The following THEMIS variants were observed in gnomAD, a reference collection of about 807,000 sequenced individuals.
THEMIS encodes the protein thymocyte selection associated, also known as protein THEMIS.
THEMIS carries 37 observed loss-of-function variants against 52.6 expected under a neutral mutation model. The ratio of observed to expected loss-of-function variants is 0.70; its 90% CI spans 0.54 to 0.93. THEMIS has a LOEUF of 0.93. Ranked by LOEUF, THEMIS falls within the 40% of genes least tolerant of loss-of-function variation. THEMIS has a pLI of 0.00. For missense variants in THEMIS, 808 were observed against 763.1 expected (o/e 1.06, Z -0.69); for synonymous variants, 292 against 272.7 (o/e 1.07, Z -0.70).
intron 4 of THEMIS, among the ~76,000 whole-genome samples, chr6:127,770,343 TG>T: frequency 6.6e-6 from 1 of 152,226 alleles, no homozygotes; most frequent in East Asian, 1.9e-4. Context: ...TATCTCATTG[TG>T]GTTTTGATTT....
At chr6:127,859,937 A>T (rs902334601) in intron 1 of THEMIS, among the ~76,000 whole-genome samples, 14 of 152,182 alleles carry the variant, frequency 9.2e-5, no homozygotes, top group African/African-American at 3.4e-4. Context: ...TTGCTTCAGG[A>T]TAGCACAAAT....
chr6:127,748,212 G>A (rs373649782), intron 4 of THEMIS, among the ~76,000 whole-genome samples: 2 of 152,036 alleles, frequency 1.3e-5, no homozygotes, highest in South Asian at 2.1e-4. Flanking sequence ...TGCTATAACA[G>A]TACCTGAGAC....
chr6:127,833,411 G>A (rs1488904833), intron 2 of THEMIS, among the ~76,000 whole-genome samples: 2 of 152,136 alleles, frequency 1.3e-5, no homozygotes, highest in Non-Finnish European at 2.9e-5. Context: ...GACAATGAAA[G>A]AAATATTATT....
At chr6:127,845,940 C>T (rs1165749048) in intron 2 of THEMIS, among the ~76,000 whole-genome samples, 1 of 151,952 alleles carries the variant, frequency 6.6e-6, no homozygotes, top group Non-Finnish European at 1.5e-5. Context: ...CAAAAGCCCT[C>T]ACCTCTCAAT....
chr6:127,791,197 C>A (rs1331561010), intron 4 of THEMIS, among the ~76,000 whole-genome samples: 1 of 152,150 alleles, frequency 6.6e-6, no homozygotes, highest in Non-Finnish European at 1.5e-5. Flanking sequence ...AGAGGGTGAG[C>A]AAGGTGAAGA....
intron 4 of THEMIS, among the ~76,000 whole-genome samples, chr6:127,807,943 C>T (rs1471755177): frequency 2.0e-5 from 3 of 152,152 alleles, no homozygotes; most frequent in African/African-American, 7.2e-5. Flanking sequence ...CCCCAGGAAC[C>T]ATTGCTTTCC....
At chr6:127,832,751 T>C (rs1778737168) in intron 2 of THEMIS, among the ~76,000 whole-genome samples, 1 of 149,856 alleles carries the variant, frequency 6.7e-6, no homozygotes. Flanking sequence ...AAAATAGATG[T>C]CTATTTCCAC....
intron 4 of THEMIS, among the ~76,000 whole-genome samples, chr6:127,748,156 G>T (rs1335967701): frequency 6.6e-6 from 1 of 152,068 alleles, no homozygotes; most frequent in Non-Finnish European, 1.5e-5. Flanking sequence ...TATTAGGTGG[G>T]TTACATCCAT....
chr6:127,864,294 G>A (rs1779903005), intron 1 of THEMIS, among the ~76,000 whole-genome samples: 1 of 151,754 alleles, frequency 6.6e-6, no homozygotes, highest in Non-Finnish European at 1.5e-5. Context: ...AAAGCATACT[G>A]TGTTTTACTT....
At chr6:127,876,211 C>T (rs1265908261) in intron 1 of THEMIS, among the ~76,000 whole-genome samples, 1 of 152,136 alleles carries the variant, frequency 6.6e-6, no homozygotes, top group Non-Finnish European at 1.5e-5. Flanking sequence ...CAGGCATGCA[C>T]AAGCGTCTAA....
chr6:127,867,765 T>C (rs141854112), intron 1 of THEMIS, among the ~76,000 whole-genome samples: 1 of 152,156 alleles, frequency 6.6e-6, no homozygotes, highest in African/African-American at 2.4e-5. Flanking sequence ...ATTATTTAAA[T>C]TAGACTATGC....
intron 4 of THEMIS, among the ~76,000 whole-genome samples, chr6:127,803,896 G>A (rs981605364): frequency 1.3e-5 from 2 of 152,156 alleles, no homozygotes; most frequent in African/African-American, 4.8e-5. Context: ...AACAGACATA[G>A]TGATACAGCT....
In THEMIS at chr6:127,813,884, T is replaced by C; in HGVS notation, c.757A>G (p.Lys253Glu). ...GCATCGTAAGAATCAGTGATGTCTT[T>C]GACTTCGACATCTAGACTGGGGAGG... ...RILPSLDVEV[K>E]DITDSYDANW... The change falls in exon 4 of 6, where the codon AAA becomes GAA. Residue 253 changes from lysine (K) to glutamate (E), a missense_variant. By Grantham distance (56) the Lys-to-Glu change is moderately conservative (BLOSUM62 1). Transcript: ENST00000368248. The C allele has an allele frequency of 6.2e-7, 1 of 1,602,744 alleles. No individual in the cohort carries two copies. The highest frequency in any genetic ancestry group is 1.1e-5 in the South Asian group (1 of 88,404).
intron 1 of THEMIS, among the ~76,000 whole-genome samples, chr6:127,863,688 G>T (rs556827523): frequency 2.0e-5 from 3 of 152,248 alleles, no homozygotes; most frequent in African/African-American, 7.2e-5. Flanking sequence ...CATCCTTGGA[G>T]TTGTGGAACA....
chr6:127,908,480 G>T (rs562347829), intron 1 of THEMIS, among the ~76,000 whole-genome samples: 1 of 152,088 alleles, frequency 6.6e-6, no homozygotes, highest in Admixed American at 6.6e-5. Context: ...TTTTTTACAC[G>T]CAGTTCTGCC....
intron 2 of THEMIS, among the ~76,000 whole-genome samples, chr6:127,845,005 A>C (rs184780573): frequency 1.3e-5 from 2 of 151,884 alleles, no homozygotes; most frequent in East Asian, 3.9e-4. Context: ...TATAGGATGA[A>C]ACCAGTGGTG....
chr6:127,911,302 G>A (rs1043058712), intron 1 of THEMIS, among the ~76,000 whole-genome samples: 15 of 150,964 alleles, frequency 9.9e-5, no homozygotes, highest in Admixed American at 4.6e-4. Context: ...GAATATCTAC[G>A]TAAATAATTT....
chr6:127,710,055 T>C (rs1554212264), intron 5 of THEMIS, 39 bp from the exon 6 acceptor site: 3 of 1,436,596 alleles, frequency 2.1e-6, no homozygotes, highest in Non-Finnish European at 1.9e-6. Context: ...GAAATAAGTA[T>C]TGAAAATAAC....
At chr6:127,721,708 A>G (rs568977429) in intron 4 of THEMIS, among the ~76,000 whole-genome samples, 1 of 152,000 alleles carries the variant, frequency 6.6e-6, no homozygotes, top group Non-Finnish European at 1.5e-5. Context: ...CTCTATTATC[A>G]TGTAGTTTTT....
Sources: gnomAD v4.1 joint callset for allele counts (sites outside exome capture counted in the v4.1 genomes callset) on GRCh38, gnomAD v4.1.1 for gene constraint, MANE v1.5 for transcripts, NCBI Gene and HGNC (gene_info 2026-07-23, HGNC 2026-07-21) for gene names.